EMX1: variants seen among roughly 807,000 people sequenced by gnomAD.
The protein encoded by EMX1 is homeobox protein EMX1.
Under a neutral mutation model 20.1 loss-of-function variants are expected in EMX1, and 10 were observed. The ratio of observed to expected loss-of-function variants is 0.50; its 90% CI spans 0.31 to 0.84. The LOEUF is 0.84. Ranked by LOEUF, EMX1 falls within the 40% of genes least tolerant of loss-of-function variation. The pLI is 0.05. For missense variants in EMX1, 424 were observed against 431.9 expected (o/e 0.98, Z 0.16); for synonymous variants, 250 against 200.4 (o/e 1.25, Z -2.09).
chr2:72,917,876 C>G lies in EMX1; in HGVS notation c.24C>G (p.Pro8=), dbSNP rs1355448594. Residue 8 remains proline (P), a synonymous_variant, in exon 1 of 3, where the codon CCC becomes CCG. Coordinates refer to ENST00000258106, the MANE Select transcript of EMX1 (RefSeq NM_004097.3). MCLAGCT[P]RKAAAPGRGA... is the part of the protein sequence containing the mutation. ...GCATGTGCCTGGCTGGGTGCACACCCCGCAAGGCGGCGGCGCCAGGACGCG... is the reference window on the plus strand; with the variant it reads ...GCATGTGCCTGGCTGGGTGCACACCGCGCAAGGCGGCGGCGCCAGGACGCG... 6.8e-7 allele frequency: 1 copy of G among 1,477,876 alleles called. No homozygotes were observed. The highest frequency in any genetic ancestry group is 2.3e-5 in the Admixed American group (1 of 43,000). 91.5% of individuals were successfully genotyped at this position (1,477,876 alleles called of 1,614,324 possible). A position where few individuals can be genotyped will look rare whatever the true frequency, so the allele number is the denominator to read the frequency against.
At chr2:72,918,463 A>C in intron 1 of EMX1, 91 bp downstream of exon 1, 1 of 1,326,858 alleles carries the variant, frequency 7.5e-7, no homozygotes, top group Non-Finnish European at 9.6e-7. Context: ...GGGGCTGTTT[A>C]GAAGTTACTG....
At position 72,931,743 on chromosome 2, in the gene EMX1, A is replaced by G. The variant is rs556031387; in HGVS notation, c.706-2044A>G. ...GGGAGAATCCCCTTGCCCTCACTCCATCCATCGAGGCCGGGCACCAACCCT... is the reference window on the plus strand; with the variant it reads ...GGGAGAATCCCCTTGCCCTCACTCCGTCCATCGAGGCCGGGCACCAACCCT... On this transcript the variant is annotated intron_variant, in intron 2 of 2. Coordinates refer to ENST00000258106, the MANE Select transcript of EMX1 (RefSeq NM_004097.3). Among the ~76,000 whole-genome samples the G allele has an allele frequency of 1.3e-5, 2 of 152,210 alleles. 1 individual carries two copies. The highest frequency in any genetic ancestry group is 4.1e-4 in the South Asian group (2 of 4,830).
Position 72,918,459 on chromosome 2 carries a change from G to C in EMX1, c.520+87G>C. The C allele has an allele frequency of 1.5e-6, 2 of 1,328,842 alleles. 1 individual carries two copies. The highest frequency in any genetic ancestry group is 3.9e-5 in the South Asian group (2 of 51,128). The allele number at this position is 1,328,842 out of a possible 1,614,324, so 82.3% of individuals were successfully genotyped here. ...GGGAGGCTCGGGGGCGCGCGGGGCTGTTTAGAAGTTACTGCCGGGAAGGCT... is the reference window on the plus strand; with the variant it reads ...GGGAGGCTCGGGGGCGCGCGGGGCTCTTTAGAAGTTACTGCCGGGAAGGCT... On this transcript the variant is annotated intron_variant, in intron 1 of 2. Coordinates refer to ENST00000258106, the MANE Select transcript of EMX1 (RefSeq NM_004097.3).
intron 2 of EMX1, among the ~76,000 whole-genome samples, chr2:72,927,850 C>G (rs1440200250): frequency 6.6e-6 from 1 of 152,240 alleles, no homozygotes; most frequent in South Asian, 2.1e-4. Flanking sequence ...CAAATACACA[C>G]TAACTTTATC....
intron 1 of EMX1, 47 bp from the exon 2 acceptor site, chr2:72,924,262 C>T (rs1671153189): frequency 1.9e-6 from 3 of 1,543,386 alleles, no homozygotes; most frequent in Non-Finnish European, 2.6e-6. Context: ...GGCGCCCCTT[C>T]TCTCTGTCTG....
intron 2 of EMX1, among the ~76,000 whole-genome samples, chr2:72,927,266 C>T (rs375240921): frequency 1.4e-4 from 21 of 152,304 alleles, no homozygotes; most frequent in African/African-American, 3.9e-4. Flanking sequence ...AGAGCTATTT[C>T]GCAACTGACA....
At chr2:72,917,124 G>T (rs1345256303), upstream of EMX1, 2 of 615,984 alleles carry the variant, frequency 3.2e-6, no homozygotes, top group Non-Finnish European at 5.9e-6. Context: ...GAAAACCAAT[G>T]TGTTGGACCC....
At chr2:72,918,997 A>G (rs918041378) in intron 1 of EMX1, among the ~76,000 whole-genome samples, 9 of 152,362 alleles carry the variant, frequency 5.9e-5, no homozygotes, top group East Asian at 5.8e-4. Flanking sequence ...GGTTTGCAGT[A>G]AGCAAACTGG....
At chr2:72,925,630 T>G (rs907001327) in intron 2 of EMX1, 1 of 1,205,024 alleles carries the variant, frequency 8.3e-7, no homozygotes, top group East Asian at 6.6e-5. Flanking sequence ...TACACCACCG[T>G]CCCCTCCCAA....
chr2:72,923,464 G>C (rs1341187527), intron 1 of EMX1: 1 of 152,212 alleles, frequency 6.6e-6, no homozygotes. Context: ...AGTACTTGGA[G>C]TCTCCAGTGT....
At chr2:72,932,283 C>T (rs144279597) in intron 2 of EMX1, among the ~76,000 whole-genome samples, 3 of 152,352 alleles carry the variant, frequency 2.0e-5, no homozygotes, top group Non-Finnish European at 4.4e-5. Context: ...ACCATCCAGG[C>T]CTTGTAGCCT....
intron 2 of EMX1, among the ~76,000 whole-genome samples, chr2:72,929,940 C>A (rs1251476543): frequency 1.3e-5 from 2 of 152,188 alleles, no homozygotes; most frequent in Admixed American, 1.3e-4. Flanking sequence ...CAGTAGGTGT[C>A]CCTCCTCCAA....
chr2:72,918,245 T>G lies in EMX1; in HGVS notation c.393T>G (p.His131Gln). 3 of 1,580,768 alleles carry G rather than the reference T, an allele frequency of 1.9e-6. No individual in the cohort carries two copies. Among genetic ancestry groups the G allele is most frequent in the Non-Finnish European group, 2.6e-6 (3 of 1,173,618 alleles). ...TGAACCACCCCGCGCTGACCGTGCA[T>G]CCGGCGCACCAGCTGGGCGCCTCCC... is the stretch of plus-strand genomic sequence containing the variant. ...EAMNHPALTV[H>Q]PAHQLGASPL... Residue 131 changes from histidine (H) to glutamine (Q), a missense_variant, in exon 1 of 3, where the codon CAT becomes CAG. His to Gln is a conservative substitution (Grantham distance 24). Coordinates refer to ENST00000258106, the MANE Select transcript of EMX1 (RefSeq NM_004097.3).
chr2:72,929,239 AG>A (rs1289098522), intron 2 of EMX1, among the ~76,000 whole-genome samples: 1 of 152,142 alleles, frequency 6.6e-6, no homozygotes, highest in East Asian at 1.9e-4. Flanking sequence ...TGGGAGGATG[AG>A]GGGGAGATAA....
At chr2:72,919,929 G>A (rs1301767963) in intron 1 of EMX1, among the ~76,000 whole-genome samples, 3 of 152,254 alleles carry the variant, frequency 2.0e-5, no homozygotes, top group African/African-American at 7.2e-5. Flanking sequence ...CCTGGGTCTC[G>A]AAACCTGGCG....
rs574773166 is a variant in EMX1 at position 72,917,757 on chromosome 2, C to G, written c.-96C>G. 1.1e-3 allele frequency: 1,263 copies of G among 1,146,664 alleles called. 13 individuals are homozygous for G. In the African/African-American group the frequency reaches 0.017, roughly 16 times the overall value. 71.0% of individuals were successfully genotyped at this position (1,146,664 alleles called of 1,614,324 possible). ...GCTGTGGCCGGACCCCGCGGTCGCTCGCTCACACACCCCTCGCCGCTCCGC... is the reference window on the plus strand; with the variant it reads ...GCTGTGGCCGGACCCCGCGGTCGCTGGCTCACACACCCCTCGCCGCTCCGC... On this transcript the variant is annotated 5_prime_UTR_variant, in exon 1 of 3. Transcript: ENST00000258106.
In EMX1 at chr2:72,918,173, G is replaced by A. The variant is rs1267949504; in HGVS notation, c.321G>A (p.Ala107=). The change falls in exon 1 of 3, where the codon GCG becomes GCA. Residue 107 remains alanine, a synonymous_variant. Transcript: ENST00000258106. ...TCCCTGCCGCGGCCGCCGCGGGCGCGGGCCGCTCGCTCTACGGTGGGCCCG... is the reference window on the plus strand; with the variant it reads ...TCCCTGCCGCGGCCGCCGCGGGCGCAGGCCGCTCGCTCTACGGTGGGCCCG... ...SGFPAAAAAG[A]GRSLYGGPEL... The A allele has an allele frequency of 6.6e-7, 1 of 1,517,024 alleles. No homozygotes were observed. Among genetic ancestry groups the A allele is most frequent in the South Asian group, 1.2e-5 (1 of 80,656 alleles). The allele number at this position is 1,517,024 out of a possible 1,614,324, so 94.0% of individuals were successfully genotyped here.
upstream of EMX1, chr2:72,916,754 C>T (rs779440906): frequency 1.4e-6 from 1 of 717,270 alleles, no homozygotes; most frequent in Admixed American, 2.0e-5. Flanking sequence ...TGGTCCGGCC[C>T]GCCGACACTT....
At chr2:72,923,987 C>T (rs1216167460) in intron 1 of EMX1, 2 of 498,402 alleles carry the variant, frequency 4.0e-6, no homozygotes, top group African/African-American at 3.9e-5. Flanking sequence ...TCCGCTGCCC[C>T]AGGCATTGTG....
Sources: gnomAD v4.1 joint callset for allele counts (sites outside exome capture counted in the v4.1 genomes callset) on GRCh38, gnomAD v4.1.1 for gene constraint, MANE v1.5 for transcripts, NCBI Gene and HGNC (gene_info 2026-07-23, HGNC 2026-07-21) for gene names.